Variants in STX8 observed in about 807,000 individuals in gnomAD.
STX8 encodes syntaxin 8, also known as syntaxin-8.
Under a neutral mutation model 37.5 loss-of-function variants are expected in STX8, and 23 were observed. The observed-to-expected ratio is 0.61, with a 90% CI of 0.44 to 0.87. STX8 has a LOEUF of 0.87. Among genes scored for constraint, STX8 ranks in the 40% least tolerant of loss-of-function variants. The pLI, the probability that STX8 is intolerant of heterozygous loss-of-function variation, is 0.00. For synonymous variants in STX8, 115 were observed against 99.1 expected (o/e 1.16, Z -0.95); for missense variants, 313 against 284.7 (o/e 1.10, Z -0.71).
At chr17:9,345,290 C>T (rs144054339) in intron 7 of STX8, among the ~76,000 whole-genome samples, 31 of 152,208 alleles carry the variant, frequency 2.0e-4, no homozygotes, top group African/African-American at 7.2e-4. Flanking sequence ...GCTGGGATTA[C>T]AAGCATGCGC....
intron 6 of STX8, among the ~76,000 whole-genome samples, chr17:9,399,532 A>G (rs1025777141): frequency 6.6e-6 from 1 of 152,102 alleles, no homozygotes; most frequent in African/African-American, 2.4e-5. Flanking sequence ...AAACATCCCA[A>G]GCCTGCCCTG....
intron 7 of STX8, among the ~76,000 whole-genome samples, chr17:9,256,746 C>T (rs1906811552): frequency 6.6e-6 from 1 of 152,200 alleles, no homozygotes; most frequent in African/African-American, 2.4e-5. Context: ...AGGAAGGTGG[C>T]TCCAGTTTCA....
chr17:9,352,749 G>A (rs1177979499), intron 7 of STX8, among the ~76,000 whole-genome samples: 2 of 151,074 alleles, frequency 1.3e-5, no homozygotes, highest in Admixed American at 1.3e-4. Context: ...TGATCCACCC[G>A]CCTCGGCCTC....
At chr17:9,417,340 C>T (rs1382240413) in intron 6 of STX8, among the ~76,000 whole-genome samples, 1 of 152,004 alleles carries the variant, frequency 6.6e-6, no homozygotes, top group Non-Finnish European at 1.5e-5. Context: ...AAAACCATTG[C>T]CAAGGAACGA....
At chr17:9,280,282 G>A (rs558972780) in intron 7 of STX8, among the ~76,000 whole-genome samples, 77 of 152,302 alleles carry the variant, frequency 5.1e-4, no homozygotes, top group African/African-American at 1.4e-3. Context: ...ATGAACGGCC[G>A]GGCACAGTGG....
chr17:9,544,794 C>A (rs7207755), intron 4 of STX8, among the ~76,000 whole-genome samples: 91,403 of 151,834 alleles, frequency 0.6, 28,099 homozygotes, highest in East Asian at 0.84. Flanking sequence ...AGATCGAGAC[C>A]ATCCTGACTA....
At chr17:9,355,915 G>A (rs1187182837) in intron 7 of STX8, among the ~76,000 whole-genome samples, 1 of 152,020 alleles carries the variant, frequency 6.6e-6, no homozygotes, top group African/African-American at 2.4e-5. Context: ...GCCCTCCAAA[G>A]TGCTGGGATT....
chr17:9,416,924 G>A (rs1002653811), intron 6 of STX8, among the ~76,000 whole-genome samples: 1 of 152,136 alleles, frequency 6.6e-6, no homozygotes, highest in Non-Finnish European at 1.5e-5. Context: ...GATCTTTTGA[G>A]ATGTTTTTTC....
At chr17:9,555,468 A>G (rs1906928422) in intron 3 of STX8, 1 of 152,232 alleles carries the variant, frequency 6.6e-6, no homozygotes, top group African/African-American at 2.4e-5. Flanking sequence ...TCATGAAACA[A>G]TATGTAGTTA....
intron 7 of STX8, among the ~76,000 whole-genome samples, chr17:9,376,097 G>A (rs1911571690): frequency 6.6e-6 from 1 of 152,208 alleles, no homozygotes; most frequent in African/African-American, 2.4e-5. Flanking sequence ...AGAGAGAGGT[G>A]GAAGTGAACT....
chr17:9,429,724 TTTATA>T (rs1454395773), intron 6 of STX8, among the ~76,000 whole-genome samples: 23 of 84,242 alleles, frequency 2.7e-4, no homozygotes, highest in Admixed American at 1.0e-3. Flanking sequence ...TATTATATAT[TTTATA>T]TTATATTATA....
intron 6 of STX8, among the ~76,000 whole-genome samples, chr17:9,483,041 C>T (rs1277412943): frequency 2.0e-5 from 3 of 152,128 alleles, no homozygotes; most frequent in African/African-American, 7.2e-5. Context: ...CACAAAAAGA[C>T]ACCATGATTA....
chr17:9,425,548 G>A (rs1361018215), intron 6 of STX8, among the ~76,000 whole-genome samples: 4 of 152,124 alleles, frequency 2.6e-5, no homozygotes, highest in African/African-American at 4.8e-5. Flanking sequence ...TACTGAGCAC[G>A]ACACGGACTT....
intron 5 of STX8, 92 bp from the exon 6 acceptor site, chr17:9,492,013 T>C (rs1056976369): frequency 1.8e-5 from 15 of 821,388 alleles, no homozygotes; most frequent in Admixed American, 9.0e-5. Context: ...CAAGTTGACA[T>C]ATAAATCAGT....
At chr17:9,380,232 T>C (rs1259659879) in intron 6 of STX8, among the ~76,000 whole-genome samples, 2 of 151,312 alleles carry the variant, frequency 1.3e-5, no homozygotes, top group African/African-American at 4.9e-5. Context: ...TGCATTTTTC[T>C]GTGTTGTTTG....
rs75363055 is a variant in STX8 at position 9,518,407 on chromosome 17, C to T, written c.324-13245G>A. Among the ~76,000 whole-genome samples, 378 of 152,262 alleles carry T rather than the reference C, an allele frequency of 2.5e-3. 3 individuals are homozygous for T. The highest frequency in any genetic ancestry group is 8.7e-3 in the African/African-American group (360 of 41,552). On this transcript the variant is annotated intron_variant, in intron 4 of 7. Coordinates refer to ENST00000306357, the MANE Select transcript of STX8 (RefSeq NM_004853.3). The stretch of plus-strand genomic sequence containing the variant: ...TCCTCTCCTCTCTTGGCTTCCTCCA[C>T]ACCACTCTCTCCCACTGACAGCTCC...
intron 6 of STX8, among the ~76,000 whole-genome samples, chr17:9,491,409 G>A (rs1906846167): frequency 6.6e-6 from 1 of 152,062 alleles, no homozygotes; most frequent in Non-Finnish European, 1.5e-5. Context: ...ATCAAACCCT[G>A]AACAAAGATC....
intron 7 of STX8, among the ~76,000 whole-genome samples, chr17:9,346,584 C>G (rs990024127): frequency 6.6e-6 from 1 of 152,214 alleles, no homozygotes; most frequent in Admixed American, 6.5e-5. Flanking sequence ...CAATGGGGGG[C>G]CCCCTCTAGC....
intron 6 of STX8, among the ~76,000 whole-genome samples, chr17:9,445,244 G>A (rs1316110857): frequency 6.6e-6 from 1 of 151,872 alleles, no homozygotes; most frequent in Non-Finnish European, 1.5e-5. Context: ...ATACCTATTG[G>A]CACTCCAATG....
Sources: gnomAD v4.1 joint callset for allele counts (sites outside exome capture counted in the v4.1 genomes callset) on GRCh38, gnomAD v4.1.1 for gene constraint, MANE v1.5 for transcripts, NCBI Gene and HGNC (gene_info 2026-07-23, HGNC 2026-07-21) for gene names.